Variants in ATAD1 observed in about 807,000 individuals in gnomAD.
ATAD1 encodes outer mitochondrial transmembrane helix translocase.
ATAD1 carries 18 observed loss-of-function variants against 42.7 expected under a neutral mutation model. The observed-to-expected ratio is 0.42, with a 90% CI of 0.29 to 0.63. The LOEUF is 0.63. Among genes scored for constraint, ATAD1 ranks in the 20% least tolerant of loss-of-function variants. The probability of loss-of-function intolerance (pLI) is 0.19; values close to 1 mark genes in which losing one functional copy is unlikely to be tolerated. For missense variants in ATAD1, 294 were observed against 440.4 expected, an observed-to-expected ratio of 0.67 and a Z score of 2.98; for synonymous variants, 132 against 143.1, an observed-to-expected ratio of 0.92 and a Z score of 0.55.
chr10:87,778,351 CA>C (rs1381743832), intron 5 of ATAD1, among the ~76,000 whole-genome samples: 4 of 151,272 alleles, frequency 2.6e-5, no homozygotes, highest in African/African-American at 4.9e-5. Flanking sequence ...TCGGAATGAT[CA>C]AAAAATAGAA....
intron 5 of ATAD1, among the ~76,000 whole-genome samples, chr10:87,780,397 T>G (rs904415977): frequency 1.3e-4 from 20 of 152,274 alleles, no homozygotes; most frequent in African/African-American, 4.8e-4. Flanking sequence ...CCCAAAGAAC[T>G]GTGCAACACA....
chr10:87,827,161 T>C lies in ATAD1; in HGVS notation c.-13-12549A>G, dbSNP rs144399566. Among the ~76,000 whole-genome samples the C allele has an allele frequency of 3.4e-3, 523 of 152,358 alleles. 1 individual carries two copies. Among genetic ancestry groups the C allele is most frequent in the Middle Eastern group, 0.031 (9 of 294 alleles). On this transcript the variant is annotated intron_variant, in intron 1 of 4. Transcript: ENST00000495903. ...TTATTCAGTATTTAATATACCATTA[T>C]TTACTGTTACTAAATATCATGATAC...
intron 8 of ATAD1, among the ~76,000 whole-genome samples, chr10:87,764,607 G>C (rs1854647564): frequency 2.0e-5 from 3 of 152,190 alleles, no homozygotes; most frequent in Non-Finnish European, 4.4e-5. Flanking sequence ...AAGCCACTGA[G>C]ATATTATGTT....
At chr10:87,835,944 T>C (rs1193516459) in intron 1 of ATAD1, among the ~76,000 whole-genome samples, 1 of 152,210 alleles carries the variant, frequency 6.6e-6, no homozygotes, top group African/African-American at 2.4e-5. Context: ...TCCTATTACC[T>C]TCCCTCTTTA....
intron 3 of ATAD1, among the ~76,000 whole-genome samples, chr10:87,791,030 C>CAAAA (rs34722647): frequency 0.048 from 3,148 of 66,136 alleles, 148 homozygotes; most frequent in East Asian, 0.27. Flanking sequence ...ACTAAAATTA[C>CAAAA]AAAAAAAAAA....
At chr10:87,778,932 T>C (rs1408311449) in intron 5 of ATAD1, among the ~76,000 whole-genome samples, 6 of 152,150 alleles carry the variant, frequency 3.9e-5, no homozygotes, top group African/African-American at 9.7e-5. Context: ...GGAAATAATA[T>C]AGAAGAAAAT....
chr10:87,831,042 T>A lies in ATAD1; in HGVS notation c.-14+10145A>T, dbSNP rs1009552104. Among the ~76,000 whole-genome samples, 3 of 152,222 alleles carry A rather than the reference T, an allele frequency of 2.0e-5. No homozygotes were observed. The South Asian group carries it at 6.2e-4, about 32-fold the overall frequency. ...ATCAAATCACAGCTTTACCACTTAA[T>A]GACAGCACATTTCGGGTGATTTATT... On this transcript the variant is annotated intron_variant, in intron 1 of 4. Coordinates refer to the ATAD1 transcript ENST00000495903.
At position 87,753,421 on chromosome 10, in the gene ATAD1, G is replaced by A. The variant is rs1854094316; in HGVS notation, c.*1266C>T. 6.6e-6 allele frequency: 1 copy of A among 152,132 alleles called. No individual in the cohort carries two copies. Among genetic ancestry groups the A allele is most frequent in the African/African-American group, 2.4e-5 (1 of 41,434 alleles). 9.4% of individuals were successfully genotyped at this position (152,132 alleles called of 1,614,324 possible). Reference sequence around the variant, plus strand: ...TACAGTAAAAGCAAAAACATATGAAGCATAATTTAATCTGATGATTCAGAA... The same window carrying A: ...TACAGTAAAAGCAAAAACATATGAAACATAATTTAATCTGATGATTCAGAA... On this transcript the variant is annotated 3_prime_UTR_variant, in exon 10 of 10. Coordinates refer to ENST00000680024, the MANE Select transcript of ATAD1 (RefSeq NM_001321967.2).
chr10:87,812,885 T>C (rs896999839), intron 2 of ATAD1, among the ~76,000 whole-genome samples: 2 of 152,332 alleles, frequency 1.3e-5, no homozygotes, highest in Admixed American at 1.3e-4. Context: ...GAAGCCATCT[T>C]CAACTACCAC....
intron 7 of ATAD1, among the ~76,000 whole-genome samples, chr10:87,768,227 T>TC (rs1450332548): frequency 6.6e-6 from 1 of 152,160 alleles, no homozygotes; most frequent in African/African-American, 2.4e-5. Flanking sequence ...TGTATGCTTT[T>TC]CCCCCAGTGA....
At chr10:87,838,303 G>A (rs2132120470) in intron 1 of ATAD1, among the ~76,000 whole-genome samples, 1 of 152,010 alleles carries the variant, frequency 6.6e-6, no homozygotes, top group African/African-American at 2.4e-5. Context: ...GAGGTGGTCG[G>A]ATCACCTGAG....
intron 3 of ATAD1, 34 bp downstream of exon 3, chr10:87,792,623 T>TA: frequency 8.7e-6 from 7 of 806,058 alleles, no homozygotes; most frequent in East Asian, 7.0e-5. Context: ...CCCCCACCTC[T>TA]AAAAAAATCT....
At chr10:87,759,619 A>C (rs10509411) in intron 8 of ATAD1, 17,782 of 337,584 alleles carry the variant, frequency 0.053, 1,409 homozygotes, top group East Asian at 0.33. Flanking sequence ...AGTTAGAAAG[A>C]TGAACCAACC....
intron 5 of ATAD1, among the ~76,000 whole-genome samples, chr10:87,782,984 GAAAAAAA>G (rs763169377): frequency 7.3e-6 from 1 of 136,748 alleles, no homozygotes; most frequent in Non-Finnish European, 1.6e-5. Context: ...GACAGAGCGT[GAAAAAAA>G]AAAAAAGAAA....
intron 8 of ATAD1, among the ~76,000 whole-genome samples, chr10:87,766,728 T>C (rs1304726122): frequency 1.3e-5 from 2 of 151,840 alleles, no homozygotes; most frequent in African/African-American, 4.8e-5. Context: ...TGAGAATCAC[T>C]TGAACCTGGG....
intron 2 of ATAD1, among the ~76,000 whole-genome samples, chr10:87,801,062 C>T (rs1856668218): frequency 6.6e-6 from 1 of 152,112 alleles, no homozygotes; most frequent in South Asian, 2.1e-4. Context: ...CTGTGAAAGG[C>T]TTAAGGAAGT....
intron 8 of ATAD1, among the ~76,000 whole-genome samples, chr10:87,767,329 G>C (rs1392133012): frequency 1.3e-5 from 2 of 152,150 alleles, no homozygotes; most frequent in African/African-American, 2.4e-5. Flanking sequence ...AAGTGGAGGA[G>C]GGGGGCATAG....
At chr10:87,761,568 G>A (rs1043156152) in intron 8 of ATAD1, among the ~76,000 whole-genome samples, 11 of 151,972 alleles carry the variant, frequency 7.2e-5, no homozygotes, top group African/African-American at 2.7e-4. Flanking sequence ...GGGCTGAGGC[G>A]GGGGGATCAC....
chr10:87,790,361 T>A lies in ATAD1; in HGVS notation c.331A>T (p.Ile111Phe), dbSNP rs1205757692. The change falls in exon 4 of 10, where the codon ATC (isoleucine) becomes TTC (phenylalanine). Residue 111 changes from isoleucine (I) to phenylalanine (F), a missense_variant. Around this residue, in one of 3 missense-constraint regions of ATAD1, gnomAD observed 121 missense variants for 187.3 expected, o/e 0.65. Transcript: ENST00000680024. ...TTCTCAAACAAATGTTTCTTTTTGA[T>A]AGGTAAGATGACTGTGTCTTTCAGA... ...TDLKDTVILP[I>F]KKKHLFENSR... 2 of 1,613,104 alleles carry A rather than the reference T, an allele frequency of 1.2e-6. No homozygotes were observed. The highest frequency in any genetic ancestry group is 2.2e-5 in the South Asian group (2 of 90,970).
Sources: allele counts gnomAD v4.1 joint callset (sites outside exome capture counted in the v4.1 genomes callset), GRCh38; gene constraint gnomAD v4.1.1; regional missense constraint gnomAD v4.1.1; transcripts MANE v1.5; gene names NCBI Gene and HGNC (gene_info 2026-07-23, HGNC 2026-07-21).